The following NBPF19 variants were observed in gnomAD, a reference collection of about 807,000 sequenced individuals.
NBPF19 encodes the protein NBPF member 19, also known as NBPF family member NBPF19.
In NBPF19, 30 loss-of-function variants were observed where a neutral mutation model predicts 45.9. The ratio of observed to expected loss-of-function variants is 0.65; its 90% CI spans 0.49 to 0.89. The LOEUF (loss-of-function observed/expected upper bound fraction) is 0.89, where lower values mean the gene tolerates loss of function less well. NBPF19 is among the 40% of genes least tolerant of loss of function. NBPF19 has a pLI of 0.00. For synonymous variants in NBPF19, 183 were observed against 181.2 expected (o/e 1.01, Z -0.08); for missense variants, 495 against 471.8 (o/e 1.05, Z -0.46).
intron 8 of NBPF19, 150 bp from the exon 9 acceptor site, chr1:149,487,182 T>A: frequency 1.3e-6 from 1 of 757,614 alleles, no homozygotes; most frequent in Non-Finnish European, 2.4e-6. Flanking sequence ...TTCTCAAGAC[T>A]TGACCTCAGG....
In NBPF19 at chr1:149,475,376, CTG is replaced by C. The variant is rs1160787998; in HGVS notation, c.-453_-452del. 1.3e-5 allele frequency among the ~76,000 whole-genome samples: 2 copies of C among 148,758 alleles called. No homozygotes were observed. Among genetic ancestry groups the C allele is most frequent in the Non-Finnish European group, 3.0e-5 (2 of 66,782 alleles). Reference sequence around the variant, plus strand: ...TAAGAAAATATAACCTGTTGGGAAACTGTTTCTGCCTTGATGATGTTGTACAG... The same window carrying C: ...TAAGAAAATATAACCTGTTGGGAAACTTTCTGCCTTGATGATGTTGTACAG... On this transcript the variant is annotated 5_prime_UTR_variant, in exon 1 of 94. Transcript: ENST00000651566.
At chr1:149,521,710 TG>T (rs2086753671) in intron 52 of NBPF19, among the ~76,000 whole-genome samples, 1 of 8,046 alleles carries the variant, frequency 1.2e-4, no homozygotes, top group Admixed American at 2.2e-3. Context: ...GCCATGCCTG[TG>T]GCGCCCTAAT....
In NBPF19 at chr1:149,554,695, G is replaced by A; in HGVS notation, c.11489G>A (p.Ser3830Asn). 6.2e-7 allele frequency: 1 copy of A among 1,608,298 alleles called. No homozygotes were observed. Among genetic ancestry groups the A allele is most frequent in the Non-Finnish European group, 8.5e-7 (1 of 1,176,722 alleles). ...AGGTTTTTTACTTTGACGGTGACAA[G>A]TCTCCATCTGGTGTTCCAGATGTTA... Reference protein sequence around the residue: ...DNRFFTLTVTSLHLVFQMLVI... With the variant: ...DNRFFTLTVTNLHLVFQMLVI... Residue 3830 changes from serine (S) to asparagine (N), a missense_variant, in exon 94 of 94, where the codon AGT becomes AAT. By Grantham distance (46) the Ser-to-Asn change is conservative. Coordinates refer to ENST00000651566, the MANE Select transcript of NBPF19 (RefSeq NM_001351365.2).
chr1:149,494,184 T>C, intron 17 of NBPF19, 134 bp from the exon 18 acceptor site: 2 of 518,264 alleles, frequency 3.9e-6, no homozygotes. Context: ...ATAAAGGCAA[T>C]AATTCATTAC....
chr1:149,478,887 A>T lies in NBPF19; in HGVS notation c.286A>T (p.Lys96Ter), dbSNP rs2085008402. The T allele has an allele frequency of 6.2e-7, 1 of 1,605,084 alleles. No individual in the cohort carries two copies. The highest frequency in any genetic ancestry group is 1.3e-5 in the African/African-American group (1 of 74,402). The part of the protein sequence containing the change: ...LKQAEELRQY[K>*]VLFHSQEREL... ...TCTACCGTCTCACCTTAGGCAATAT[A>T]AAGTCCTGTTTCACTCTCAGGAACG... The change falls in exon 4 of 94, where the codon AAA (lysine) becomes TAA (stop). Residue 96 changes from lysine (K) to a stop codon, truncating the protein, a stop_gained. Transcript: ENST00000651566. LOFTEE classifies it high-confidence loss of function.
In NBPF19 at chr1:149,554,929, G is replaced by A. The variant is rs1571068266; in HGVS notation, c.*191G>A. The stretch of plus-strand genomic sequence containing the variant: ...GTCTGAAGACAATGGACCCACGTTA[G>A]GTGTGACACGTTCACATAACTGTGC... On this transcript the variant is annotated 3_prime_UTR_variant, in exon 94 of 94. Coordinates refer to ENST00000651566, the MANE Select transcript of NBPF19 (RefSeq NM_001351365.2). 121 of 972,712 alleles carry A rather than the reference G, an allele frequency of 1.2e-4. 2 individuals carry two copies. The East Asian group carries it at 2.9e-3, about 24-fold the overall frequency. 60.3% of individuals were successfully genotyped at this position (972,712 alleles called of 1,614,324 possible). A position where few individuals can be genotyped will look rare whatever the true frequency, so the allele number is the denominator to read the frequency against.
At chr1:149,481,473 A>ATTTTT (rs1190866284) in intron 6 of NBPF19, among the ~76,000 whole-genome samples, 14 of 66,752 alleles carry the variant, frequency 2.1e-4, no homozygotes, top group East Asian at 6.3e-4. Context: ...AGCATCGTGG[A>ATTTTT]TTTTTTTTTT....
At chr1:149,478,390 C>T (rs1428685257) in intron 3 of NBPF19, among the ~76,000 whole-genome samples, 3 of 151,242 alleles carry the variant, frequency 2.0e-5, no homozygotes, top group Non-Finnish European at 4.4e-5. Flanking sequence ...GTGAGAATCA[C>T]CTCCTGACTG....
chr1:149,478,101 G>A, intron 3 of NBPF19, 54 bp downstream of exon 3: 2 of 1,271,526 alleles, frequency 1.6e-6, no homozygotes, highest in Admixed American at 3.4e-5. Context: ...GATCTCTGAA[G>A]TACAGCAGCT....
At chr1:149,489,087 G>A in intron 11 of NBPF19, 131 bp downstream of exon 11, 1 of 6,862 alleles carries the variant, frequency 1.5e-4, no homozygotes, top group Admixed American at 5.4e-4. Context: ...CATGGCTGTT[G>A]GTTTTCATTG....
chr1:149,487,255 T>G, intron 8 of NBPF19, 77 bp from the exon 9 acceptor site: 1 of 1,030,336 alleles, frequency 9.7e-7, no homozygotes, highest in Non-Finnish European at 1.5e-6. Flanking sequence ...TGTCCCTGTG[T>G]TAGGATTGGA....
chr1:149,554,810 A>T lies in NBPF19; in HGVS notation c.*72A>T. ...ATAGGCACGTGAAGATTTGAATGAA[A>T]CTACAGTTCCATTTGGAAGCCCAGA... On this transcript the variant is annotated 3_prime_UTR_variant, in exon 94 of 94. Transcript: ENST00000651566. 2 of 1,601,450 alleles carry T rather than the reference A, an allele frequency of 1.2e-6. No individual in the cohort carries two copies. Among genetic ancestry groups the T allele is most frequent in the African/African-American group, 1.3e-5 (1 of 74,520 alleles).
chr1:149,487,495 G>C (rs1163885725), intron 9 of NBPF19, 112 bp downstream of exon 9: 10 of 996,510 alleles, frequency 1.0e-5, no homozygotes, highest in African/African-American at 3.2e-5. Context: ...AGACAAGTCT[G>C]AATTATGCCT....
chr1:149,478,706 G>A (rs1259482735), intron 3 of NBPF19, among the ~76,000 whole-genome samples, 174 bp from the exon 4 acceptor site: 3 of 150,750 alleles, frequency 2.0e-5, no homozygotes, highest in African/African-American at 7.3e-5. Flanking sequence ...TAGAGGGAAA[G>A]CCTGTAGACC....
chr1:149,554,590 C>T lies in NBPF19; in HGVS notation c.11384C>T (p.Pro3795Leu), dbSNP rs1256068083. The T allele has an allele frequency of 8.7e-6, 14 of 1,608,188 alleles. 1 individual carries two copies. Among genetic ancestry groups the T allele is most frequent in the East Asian group, 2.2e-5 (1 of 44,858 alleles). ...YSTPSMYFEL[P>L]DSFQHYRSVF... ...ACTCCGTCAATGTACTTTGAACTACCTGACTCATTCCAGCACTACAGAAGT... is the reference window on the plus strand; with the variant it reads ...ACTCCGTCAATGTACTTTGAACTACTTGACTCATTCCAGCACTACAGAAGT... Residue 3795 changes from proline (P) to leucine (L), a missense_variant, in exon 94 of 94, where the codon CCT becomes CTT. By Grantham distance (98) the Pro-to-Leu change is moderately conservative. Coordinates refer to ENST00000651566, the MANE Select transcript of NBPF19 (RefSeq NM_001351365.2).
chr1:149,486,080 A>G, intron 7 of NBPF19, 50 bp from the exon 8 acceptor site: 1 of 290,992 alleles, frequency 3.4e-6, no homozygotes, highest in Non-Finnish European at 5.9e-6. Flanking sequence ...TTGTTGTCTA[A>G]TGTCTGTTGG....
rs1570989311 is a variant in NBPF19 at position 149,488,183 on chromosome 1, A to T, written c.1211A>T (p.Asp404Val). The change falls in exon 10 of 94, where the codon GAT becomes GTT. Residue 404 changes from aspartate (D) to valine (V), a missense_variant and splice_region_variant. Physicochemically the swap from Asp to Val is radical, Grantham distance 152 (BLOSUM62 -3). This residue lies in a region of NBPF19 where 146 missense variants were observed against 67.3 expected (regional missense o/e 2.17). Coordinates refer to ENST00000651566, the MANE Select transcript of NBPF19 (RefSeq NM_001351365.2). Reference protein sequence around the residue: ...QQRVGLAIDMDEIEKYQEVEE... With the variant: ...QQRVGLAIDMVEIEKYQEVEE... ...CGTGTTGGCTTGGCTATTGACATGG[A>T]TGGTGAGTACCTTTCTATGAAGGTG... 4.6e-6 allele frequency: 3 copies of T among 647,664 alleles called. No individual in the cohort carries two copies. In the East Asian group the frequency reaches 8.4e-5, roughly 18 times the overall value. 40.1% of individuals were successfully genotyped at this position (647,664 alleles called of 1,614,324 possible).
At chr1:149,492,460 CAG>C (rs2085874169) in intron 15 of NBPF19, among the ~76,000 whole-genome samples, 1 of 80,334 alleles carries the variant, frequency 1.2e-5, no homozygotes, top group African/African-American at 4.8e-5. Context: ...GGCACTAACT[CAG>C]AGTGTCCTTT....
chr1:149,478,572 A>C (rs1407007928), intron 3 of NBPF19, among the ~76,000 whole-genome samples: 2 of 151,162 alleles, frequency 1.3e-5, no homozygotes, highest in African/African-American at 4.9e-5. Flanking sequence ...GGAAATGTCC[A>C]TGGCCAGAGT....
Sources: allele counts gnomAD v4.1 joint callset (sites outside exome capture counted in the v4.1 genomes callset), GRCh38; gene constraint gnomAD v4.1.1; regional missense constraint gnomAD v4.1.1; transcripts MANE v1.5; gene names NCBI Gene and HGNC (gene_info 2026-07-23, HGNC 2026-07-21).